Variants in DGKI observed in about 807,000 individuals in gnomAD.
The protein encoded by DGKI is DAG kinase iota.
In DGKI, 55 loss-of-function variants were observed where a neutral mutation model predicts 147.5. The observed-to-expected ratio is 0.37, with a 90% confidence interval of 0.30 to 0.47. The LOEUF (loss-of-function observed/expected upper bound fraction) is 0.47, where lower values mean the gene tolerates loss of function less well. Ranked by LOEUF, DGKI falls within the 20% of genes least tolerant of loss-of-function variation. The pLI is 1.00. For synonymous variants in DGKI, 469 were observed against 477.1 expected (o/e 0.98, Z 0.22); for missense variants, 1,007 against 1,323.8 (o/e 0.76, Z 3.71).
chr7:137,563,526 A>G (rs1723093), intron 19 of DGKI, among the ~76,000 whole-genome samples: 7,825 of 152,060 alleles, frequency 0.051, 511 homozygotes, highest in African/African-American at 0.13. Context: ...GTTGCAGAAA[A>G]ACCTAAGGAA....
intron 17 of DGKI, among the ~76,000 whole-genome samples, chr7:137,576,327 C>T (rs532605496): frequency 2.6e-5 from 4 of 152,058 alleles, no homozygotes; most frequent in African/African-American, 4.8e-5. Context: ...CATGAGCCAC[C>T]GCGCCTGGCC....
chr7:137,535,712 A>G (rs834068), intron 20 of DGKI, among the ~76,000 whole-genome samples: 4,098 of 152,268 alleles, frequency 0.027, 176 homozygotes, highest in East Asian at 0.11. Flanking sequence ...TCACCTCTAA[A>G]AATAAATTTG....
At chr7:137,771,869 A>G (rs1796208414) in intron 1 of DGKI, 1 of 152,160 alleles carries the variant, frequency 6.6e-6, no homozygotes, top group South Asian at 2.1e-4. Flanking sequence ...TTCTAATAAG[A>G]TGACACTGTT....
intron 29 of DGKI, among the ~76,000 whole-genome samples, chr7:137,410,997 C>A (rs543023383): frequency 3.3e-5 from 5 of 152,236 alleles, no homozygotes; most frequent in Non-Finnish European, 7.3e-5. Context: ...AAGATGTTTG[C>A]AAACATTTTC....
At chr7:137,450,710 G>A (rs1026002964) in intron 27 of DGKI, among the ~76,000 whole-genome samples, 10 of 151,990 alleles carry the variant, frequency 6.6e-5, no homozygotes, top group Admixed American at 3.3e-4. Flanking sequence ...CAACAAGAGC[G>A]AAACTCTGTC....
chr7:137,395,832 T>C, intron 31 of DGKI, 135 bp from the exon 32 acceptor site: 1 of 652,362 alleles, frequency 1.5e-6, no homozygotes, highest in Non-Finnish European at 2.6e-6. Flanking sequence ...TAGGGTACAT[T>C]CTGGGGAGGT....
At chr7:137,773,147 C>T (rs542755781) in intron 1 of DGKI, among the ~76,000 whole-genome samples, 1 of 152,170 alleles carries the variant, frequency 6.6e-6, no homozygotes, top group Non-Finnish European at 1.5e-5. Context: ...CCATGATTCA[C>T]GGAACACTCC....
intron 20 of DGKI, among the ~76,000 whole-genome samples, chr7:137,530,757 A>C (rs1271347339): frequency 6.6e-6 from 1 of 152,180 alleles, no homozygotes; most frequent in Non-Finnish European, 1.5e-5. Flanking sequence ...GGGACCACTC[A>C]AAAGAATTTG....
At chr7:137,697,016 C>A (rs1396264594) in intron 1 of DGKI, among the ~76,000 whole-genome samples, 1 of 152,178 alleles carries the variant, frequency 6.6e-6, no homozygotes, top group East Asian at 1.9e-4. Context: ...TTGCCAGCAA[C>A]CACCAGCAGC....
At chr7:137,574,947 G>C (rs1176094116) in intron 17 of DGKI, among the ~76,000 whole-genome samples, 7 of 152,184 alleles carry the variant, frequency 4.6e-5, no homozygotes, top group African/African-American at 7.2e-5. Context: ...ATGCTCTGTT[G>C]TTGGGGAGAC....
At chr7:137,412,722 T>G (rs534911179) in intron 28 of DGKI, among the ~76,000 whole-genome samples, 1 of 152,172 alleles carries the variant, frequency 6.6e-6, no homozygotes, top group African/African-American at 2.4e-5. Context: ...TCTTTTTGTG[T>G]GTTTTGTGAT....
intron 28 of DGKI, among the ~76,000 whole-genome samples, chr7:137,424,938 G>A (rs1218945007): frequency 6.6e-6 from 1 of 152,234 alleles, no homozygotes; most frequent in Non-Finnish European, 1.5e-5. Flanking sequence ...GCCTGCCTCT[G>A]TAGGCTCCAC....
At chr7:137,644,402 A>G (rs3800617) in intron 6 of DGKI, among the ~76,000 whole-genome samples, 21,584 of 152,224 alleles carry the variant, frequency 0.14, 4,638 homozygotes, top group African/African-American at 0.47. Flanking sequence ...GAAGACCTTC[A>G]TAACCAATGG....
chr7:137,699,489 A>C (rs1033608225), intron 1 of DGKI, among the ~76,000 whole-genome samples: 5 of 152,242 alleles, frequency 3.3e-5, no homozygotes, highest in Non-Finnish European at 7.3e-5. Context: ...AAAGGCAGTG[A>C]GGTCTAATGA....
intron 19 of DGKI, among the ~76,000 whole-genome samples, chr7:137,557,367 T>C (rs1411569018): frequency 6.6e-6 from 1 of 152,094 alleles, no homozygotes; most frequent in African/African-American, 2.4e-5. Context: ...ATGCAGTCAT[T>C]AAAATAGTGA....
intron 5 of DGKI, among the ~76,000 whole-genome samples, chr7:137,651,764 A>G (rs991371728): frequency 2.6e-5 from 4 of 152,212 alleles, no homozygotes; most frequent in Admixed American, 2.6e-4. Context: ...GGGCCATCTG[A>G]TGAAACAAGA....
chr7:137,459,541 C>A (rs1220580471), intron 27 of DGKI, among the ~76,000 whole-genome samples: 16 of 133,016 alleles, frequency 1.2e-4, no homozygotes, highest in Admixed American at 5.4e-4. Context: ...GTGGCACGGT[C>A]TTGGCTCACT....
At chr7:137,760,250 C>T (rs935623947) in intron 1 of DGKI, among the ~76,000 whole-genome samples, 11 of 152,186 alleles carry the variant, frequency 7.2e-5, no homozygotes, top group African/African-American at 2.7e-4. Flanking sequence ...CGGCATTTTC[C>T]AAAACTCTGG....
intron 1 of DGKI, among the ~76,000 whole-genome samples, chr7:137,793,544 A>G (rs889820214): frequency 3.5e-4 from 53 of 151,938 alleles, no homozygotes; most frequent in African/African-American, 1.1e-3. Flanking sequence ...CAGGTGATCC[A>G]CCCGCCTTGG....
Sources: allele counts gnomAD v4.1 joint callset (sites outside exome capture counted in the v4.1 genomes callset), GRCh38; gene constraint gnomAD v4.1.1; transcripts MANE v1.5; gene names NCBI Gene and HGNC (gene_info 2026-07-23, HGNC 2026-07-21).